WRN: variants seen among roughly 807,000 people sequenced by gnomAD.
WRN encodes the protein WRN RecQ like helicase.
Under a neutral mutation model 180.7 loss-of-function variants are expected in WRN, and 149 were observed. The observed-to-expected ratio is 0.82, with a 90% CI of 0.72 to 0.94. The LOEUF (loss-of-function observed/expected upper bound fraction) is 0.94, where lower values mean the gene tolerates loss of function less well. Ranked by LOEUF, WRN falls within the 40% of genes least tolerant of loss-of-function variation. The pLI is 0.00. For synonymous variants in WRN, 548 were observed against 568.9 expected (o/e 0.96, Z 0.52); for missense variants, 1,661 against 1,700.1 (o/e 0.98, Z 0.40).
At chr8:31,136,566 A>G (rs1256498652) in intron 24 of WRN, among the ~76,000 whole-genome samples, 1 of 152,118 alleles carries the variant, frequency 6.6e-6, no homozygotes, top group African/African-American at 2.4e-5. Context: ...TGGACATGGT[A>G]GCTCACACCT....
intron 7 of WRN, among the ~76,000 whole-genome samples, chr8:31,075,675 G>T (rs1040587607): frequency 2.0e-5 from 3 of 151,446 alleles, no homozygotes; most frequent in African/African-American, 7.3e-5. Context: ...AGCCGAGATT[G>T]CGCCACTGCA....
intron 23 of WRN, among the ~76,000 whole-genome samples, chr8:31,126,417 C>G (rs1189903633): frequency 1.2e-4 from 19 of 152,158 alleles, no homozygotes; most frequent in Admixed American, 9.8e-4. Context: ...GAGGAAGTCT[C>G]AAGGCAAATC....
At position 31,140,220 on chromosome 8, in the gene WRN, A is replaced by G. The variant is rs572204664; in HGVS notation, c.2968-1210A>G. On this transcript the variant is annotated intron_variant, in intron 24 of 34. Transcript: ENST00000298139. ...TTTTTATTTTTTATTTTTTGTAGAG[A>G]TGTGGGTCTCACTGTGTTGCCCAGG... 4.0e-5 allele frequency among the ~76,000 whole-genome samples: 6 copies of G among 151,598 alleles called. No individual in the cohort carries two copies. The East Asian group carries it at 1.2e-3, about 29-fold the overall frequency.
chr8:31,078,192 A>T (rs1813167262), intron 8 of WRN, among the ~76,000 whole-genome samples: 1 of 152,212 alleles, frequency 6.6e-6, no homozygotes, highest in Non-Finnish European at 1.5e-5. Flanking sequence ...TACATATTGA[A>T]GCTGAATAGG....
At chr8:31,061,804 C>T (rs1255107004) in intron 3 of WRN, among the ~76,000 whole-genome samples, 1 of 152,168 alleles carries the variant, frequency 6.6e-6, no homozygotes, top group African/African-American at 2.4e-5. Flanking sequence ...ACGTTAATGC[C>T]TCTTACCTTT....
chr8:31,050,414 C>T (rs1387989470), intron 1 of WRN, among the ~76,000 whole-genome samples: 2 of 151,990 alleles, frequency 1.3e-5, no homozygotes, highest in Non-Finnish European at 2.9e-5. Flanking sequence ...AGATATGTCC[C>T]CTAATGAAAT....
chr8:31,165,976 TTTAA>T (rs139272015), intron 33 of WRN, among the ~76,000 whole-genome samples: 4,416 of 150,930 alleles, frequency 0.029, 210 homozygotes, highest in African/African-American at 0.099. Context: ...ATTTTGAAAC[TTTAA>T]TTAGTTAACC....
chr8:31,139,590 G>C (rs1802527144), intron 24 of WRN, among the ~76,000 whole-genome samples: 2 of 152,138 alleles, frequency 1.3e-5, no homozygotes. Context: ...GTAATAATCA[G>C]GAAGCTTCTA....
intron 33 of WRN, among the ~76,000 whole-genome samples, chr8:31,162,113 T>A (rs1653925040): frequency 6.6e-6 from 1 of 152,138 alleles, no homozygotes; most frequent in Admixed American, 6.5e-5. Context: ...CTTTTGCCAA[T>A]AATAAATTAA....
intron 18 of WRN, among the ~76,000 whole-genome samples, chr8:31,111,101 C>T (rs1261622555): frequency 6.6e-6 from 1 of 151,436 alleles, no homozygotes; most frequent in Non-Finnish European, 1.5e-5. Context: ...TTATCTGGGT[C>T]ATTGGAGCTT....
At position 31,067,186 on chromosome 8, in the gene WRN, C is replaced by G; in HGVS notation, c.654+4C>G. ...GTATGCAGCCACTGATGCTTATGTA[C>G]GTGCTTAAAGATCTTTAGAAATTGT... On this transcript the variant is annotated splice_donor_region_variant and intron_variant, in intron 6 of 34. Transcript: ENST00000298139. 6.2e-7 allele frequency: 1 copy of G among 1,613,268 alleles called. No homozygotes were observed. The highest frequency in any genetic ancestry group is 1.1e-5 in the South Asian group (1 of 91,068).
chr8:31,097,976 C>T (rs1278412744), intron 17 of WRN, among the ~76,000 whole-genome samples: 2 of 152,090 alleles, frequency 1.3e-5, no homozygotes, highest in Non-Finnish European at 2.9e-5. Flanking sequence ...TGCAACGTCT[C>T]ATTTAATGGT....
chr8:31,154,560 A>T, intron 31 of WRN, 64 bp from the exon 32 acceptor site: 1 of 1,523,320 alleles, frequency 6.6e-7, no homozygotes, highest in Non-Finnish European at 8.9e-7. Context: ...GCTAATTATC[A>T]TACATATATT....
At chr8:31,085,379 C>T in intron 11 of WRN, 133 bp downstream of exon 11, 3 of 970,570 alleles carry the variant, frequency 3.1e-6, no homozygotes, top group Non-Finnish European at 3.1e-6. Context: ...TTAGATTTCA[C>T]ATTTTCCAAT....
chr8:31,085,302 T>G, intron 11 of WRN, 56 bp downstream of exon 11: 2 of 1,588,216 alleles, frequency 1.3e-6, no homozygotes, highest in Non-Finnish European at 1.7e-6. Context: ...GACATTTAAT[T>G]AAGTAAAATA....
At chr8:31,134,701 C>T (rs770578793) in intron 24 of WRN, among the ~76,000 whole-genome samples, 27 of 152,274 alleles carry the variant, frequency 1.8e-4, no homozygotes, top group Non-Finnish European at 2.8e-4. Flanking sequence ...CAAATCTTGT[C>T]GTGGCACTAG....
intron 18 of WRN, among the ~76,000 whole-genome samples, chr8:31,103,798 G>A (rs1800974604): frequency 6.6e-6 from 1 of 151,920 alleles, no homozygotes; most frequent in Non-Finnish European, 1.5e-5. Flanking sequence ...GCAGTGGCGC[G>A]ATCTCGGCTC....
At chr8:31,080,425 G>C (rs909586619) in intron 8 of WRN, among the ~76,000 whole-genome samples, 1 of 147,844 alleles carries the variant, frequency 6.8e-6, no homozygotes, top group African/African-American at 2.5e-5. Flanking sequence ...CACTTTTAGG[G>C]TTCTTTTATC....
chr8:31,164,782 A>T (rs1170304597), intron 33 of WRN, among the ~76,000 whole-genome samples: 2 of 152,196 alleles, frequency 1.3e-5, no homozygotes, highest in South Asian at 2.1e-4. Context: ...AGTAAGGTTA[A>T]TATGATCTCT....
Sources: allele counts gnomAD v4.1 joint callset (sites outside exome capture counted in the v4.1 genomes callset), GRCh38; gene constraint gnomAD v4.1.1; transcripts MANE v1.5; gene names NCBI Gene and HGNC (gene_info 2026-07-23, HGNC 2026-07-21).